Variants in TAF6 observed in about 807,000 individuals in gnomAD.
TAF6 encodes the protein TATA-box binding protein associated factor 6.
Under a neutral mutation model 73.5 loss-of-function variants are expected in TAF6, and 50 were observed. The observed-to-expected ratio is 0.68, with a 90% CI of 0.54 to 0.86. TAF6 has a LOEUF of 0.86. Ranked by LOEUF, TAF6 falls within the 40% of genes least tolerant of loss-of-function variation. The probability of loss-of-function intolerance (pLI) is 0.00; values close to 1 mark genes in which losing one functional copy is unlikely to be tolerated. For missense variants in TAF6, 768 were observed against 899.5 expected, an observed-to-expected ratio of 0.85 and a Z score of 1.87; for synonymous variants, 424 against 376.7, an observed-to-expected ratio of 1.13 and a Z score of -1.45.
At chr7:100,125,595 T>C in the TAF6 span, 1 of 152,212 alleles carries the variant, frequency 6.6e-6, no homozygotes, top group African/African-American at 2.4e-5. Flanking sequence ...CGCTGTCTTG[T>C]TAAGCTCAAG....
At chr7:100,113,198 A>C in intron 5 of TAF6, 151 bp downstream of exon 5, 1 of 820,908 alleles carries the variant, frequency 1.2e-6, no homozygotes, top group South Asian at 1.9e-5. Context: ...CCCAGGAGGC[A>C]CAGGTTTGCA....
At chr7:100,118,203 A>T (rs1406912688) in intron 1 of TAF6, among the ~76,000 whole-genome samples, 2 of 152,094 alleles carry the variant, frequency 1.3e-5, no homozygotes, top group East Asian at 3.9e-4. Context: ...AAACACAAAA[A>T]TTAACCAGAC....
At chr7:100,107,873 C>T (rs1796710476) in intron 14 of TAF6, 53 bp downstream of exon 14, 3 of 1,557,748 alleles carry the variant, frequency 1.9e-6, no homozygotes, top group African/African-American at 2.7e-5. Context: ...CCCCAGGGTG[C>T]TCTGAGGTAA....
upstream of TAF6, chr7:100,122,186 CA>C: frequency 6.3e-7 from 1 of 1,585,142 alleles, no homozygotes. Flanking sequence ...TCTGCTGCCT[CA>C]GGTCATCTGC....
chr7:100,113,329 G>C lies in TAF6; in HGVS notation c.454+20C>G, dbSNP rs1370231700. 6 of 1,572,690 alleles carry C rather than the reference G, an allele frequency of 3.8e-6. No homozygotes were observed. Among genetic ancestry groups the C allele is most frequent in the East Asian group, 4.5e-5 (2 of 44,426 alleles). ...GGGGAAAGGGACCCAGAGACCCAGA[G>C]GGTGGGGCATGGAGGTTACCTGGGG... is the stretch of plus-strand genomic sequence containing the variant. On this transcript the variant is annotated intron_variant, in intron 5 of 14. Coordinates refer to ENST00000453269, the MANE Select transcript of TAF6 (RefSeq NM_139315.3).
Position 100,108,468 on chromosome 7 carries a change from C to G in TAF6, c.1357G>C (p.Gly453Arg). The change falls in exon 13 of 15, where the codon GGG becomes CGG. Residue 453 changes from glycine to arginine, a missense_variant. Physicochemically the swap from Gly to Arg is moderately radical, Grantham distance 125. Transcript: ENST00000453269. ...GAGCAGAGGAGGGGCCCAAGGGACC[C>G]GAATTCTGCCCGATAGGCGTCCTGA... ...DNQDAYRAEF[G>R]SLGPLLCSQV... is the part of the protein sequence containing the mutation. 6.2e-7 allele frequency: 1 copy of G among 1,613,920 alleles called. No individual in the cohort carries two copies. The highest frequency in any genetic ancestry group is 8.5e-7 in the Non-Finnish European group (1 of 1,179,912).
At chr7:100,116,632 T>G (rs1386805730) in intron 1 of TAF6, 4 of 151,830 alleles carry the variant, frequency 2.6e-5, no homozygotes, top group African/African-American at 4.8e-5. Context: ...AAAGCAAGAC[T>G]TCTTCTCAAA....
chr7:100,123,745 C>G (rs1798143639), upstream of TAF6, among the ~76,000 whole-genome samples: 1 of 152,184 alleles, frequency 6.6e-6, no homozygotes, highest in Non-Finnish European at 1.5e-5. Flanking sequence ...TGGTCGAACT[C>G]CTGACCTCAG....
chr7:100,115,019 G>A (rs1265705726), intron 1 of TAF6, among the ~76,000 whole-genome samples: 3 of 152,124 alleles, frequency 2.0e-5, no homozygotes, highest in African/African-American at 7.2e-5. Context: ...ACTACACACA[G>A]CCAATTTTTT....
chr7:100,115,843 C>A (rs1394207924), intron 1 of TAF6, among the ~76,000 whole-genome samples: 1 of 150,236 alleles, frequency 6.7e-6, no homozygotes, highest in African/African-American at 2.5e-5. Context: ...TGGTGGCACG[C>A]ACCTGTAGTC....
At position 100,112,786 on chromosome 7, in the gene TAF6, A is replaced by G; in HGVS notation, c.574+12T>C. Reference sequence around the variant, plus strand: ...GCAAGAGTCCAGAGAGGCCTAGCCTAGGAGGACTGACCTTTGCCGTCGGCT... The same window carrying G: ...GCAAGAGTCCAGAGAGGCCTAGCCTGGGAGGACTGACCTTTGCCGTCGGCT... On this transcript the variant is annotated intron_variant, in intron 6 of 14. Coordinates refer to ENST00000453269, the MANE Select transcript of TAF6 (RefSeq NM_139315.3). 1.2e-6 allele frequency: 2 copies of G among 1,608,028 alleles called. No individual in the cohort carries two copies. Among genetic ancestry groups the G allele is most frequent in the Non-Finnish European group, 1.7e-6 (2 of 1,176,658 alleles).
rs74774293 is a variant in TAF6 at position 100,113,759 on chromosome 7, C to A, written c.254G>T (p.Gly85Val). The A allele has an allele frequency of 6.2e-7, 1 of 1,613,788 alleles. No individual in the cohort carries two copies. Among genetic ancestry groups the A allele is most frequent in the African/African-American group, 1.3e-5 (1 of 74,850 alleles). ...AGGAATGAACTCCTGGGCGTGGAAG[C>A]CATAGAGTGGCTGTGGCAGGAGAGA... ...LKLKNVEPLY[G>V]FHAQEFIPFR... Residue 85 changes from glycine to valine, a missense_variant, in exon 4 of 15, where the codon GGC (glycine) becomes GTC (valine). Around this residue, in one of 5 missense-constraint regions of TAF6, gnomAD observed 269 missense variants for 268.0 expected, o/e 1.00. Coordinates refer to ENST00000453269, the MANE Select transcript of TAF6 (RefSeq NM_139315.3).
intron 1 of TAF6, among the ~76,000 whole-genome samples, chr7:100,117,264 GCT>G (rs1337965628): frequency 8.4e-5 from 12 of 142,186 alleles, no homozygotes; most frequent in African/African-American, 2.8e-4. Flanking sequence ...TCTAGACAGG[GCT>G]CTTTTTTTTT....
chr7:100,110,930 A>C (rs1190977360), intron 10 of TAF6, among the ~76,000 whole-genome samples: 1 of 151,370 alleles, frequency 6.6e-6, no homozygotes, highest in Non-Finnish European at 1.5e-5. Flanking sequence ...TGCGGTCAGC[A>C]GAGATTGCAC....
chr7:100,112,325 C>G, intron 6 of TAF6, 72 bp from the exon 7 acceptor site: 1 of 1,543,654 alleles, frequency 6.5e-7, no homozygotes, highest in Non-Finnish European at 8.7e-7. Context: ...GAACCTTAAC[C>G]CTCCACTTCC....
At chr7:100,111,455 C>CTT in intron 9 of TAF6, 134 bp from the exon 10 acceptor site, 1 of 1,141,426 alleles carries the variant, frequency 8.8e-7, no homozygotes. Flanking sequence ...CGGGCTCAAG[C>CTT]AATTCTCCCA....
chr7:100,108,578 G>T, intron 12 of TAF6, 38 bp from the exon 13 acceptor site: 1 of 1,559,846 alleles, frequency 6.4e-7, no homozygotes. Context: ...AGGGAGGGCT[G>T]GGGAAAAAAG....
intron 6 of TAF6, among the ~76,000 whole-genome samples, chr7:100,112,487 C>G (rs1023577190): frequency 7.9e-5 from 12 of 151,682 alleles, no homozygotes; most frequent in African/African-American, 2.9e-4. Flanking sequence ...CCAAGGCGGG[C>G]GGATCACATG....
chr7:100,112,695 A>G, intron 6 of TAF6, 103 bp downstream of exon 6: 2 of 1,449,478 alleles, frequency 1.4e-6, no homozygotes, highest in Non-Finnish European at 1.8e-6. Context: ...AGCCTGGGTG[A>G]CAGAGTGAGA....
Sources: allele counts gnomAD v4.1 joint callset (sites outside exome capture counted in the v4.1 genomes callset), GRCh38; gene constraint gnomAD v4.1.1; regional missense constraint gnomAD v4.1.1; transcripts MANE v1.5; gene names NCBI Gene and HGNC (gene_info 2026-07-23, HGNC 2026-07-21).